Variants in ROBO2 observed in about 807,000 individuals in gnomAD.
The protein encoded by ROBO2 is roundabout guidance receptor 2.
ROBO2 carries 53 observed loss-of-function variants against 160.8 expected under a neutral mutation model. The observed-to-expected ratio is 0.33, with a 90% CI of 0.26 to 0.41. ROBO2 has a LOEUF of 0.41. Ranked by LOEUF, ROBO2 falls within the 10% of genes least tolerant of loss-of-function variation. ROBO2 has a pLI of 1.00. For synonymous variants in ROBO2, 664 were observed against 611.7 expected, an observed-to-expected ratio of 1.09 and a Z score of -1.26; for missense variants, 1,577 against 1,722.4, an observed-to-expected ratio of 0.92 and a Z score of 1.49.
intron 24 of ROBO2, among the ~76,000 whole-genome samples, chr3:77,640,202 C>T (rs1376720076): frequency 7.0e-6 from 1 of 143,164 alleles, no homozygotes; most frequent in Non-Finnish European, 1.5e-5. Flanking sequence ...AGATCCGCCT[C>T]CCGGGTTCAC....
intron 2 of ROBO2, among the ~76,000 whole-genome samples, chr3:76,163,285 T>C (rs2106935137): frequency 6.6e-6 from 1 of 151,972 alleles, no homozygotes; most frequent in South Asian, 2.1e-4. Context: ...TAACTACTTG[T>C]TCCAAAAGAT....
rs138733090 is a variant in ROBO2 at position 76,538,117 on chromosome 3, A to G, written c.110-559897A>G. Among the ~76,000 whole-genome samples the G allele has an allele frequency of 3.3e-3, 500 of 150,976 alleles. 1 individual carries two copies. Among genetic ancestry groups the G allele is most frequent in the African/African-American group, 0.012 (474 of 40,994 alleles). On this transcript the variant is annotated intron_variant, in intron 2 of 26. Transcript: ENST00000487694. ...ATGTGTGCAGGTCACAGGGGTTATA[A>G]TGGCTGAGCTTTGGCTCAGAGGCCT... is the stretch of plus-strand genomic sequence containing the variant.
intron 2 of ROBO2, among the ~76,000 whole-genome samples, chr3:76,395,817 A>G (rs1435152876): frequency 6.6e-6 from 1 of 152,026 alleles, no homozygotes; most frequent in African/African-American, 2.4e-5. Context: ...CTCTGAAATT[A>G]TGGCAATAAT....
At chr3:75,931,265 G>A (rs1947520462) in intron 1 of ROBO2, among the ~76,000 whole-genome samples, 1 of 152,196 alleles carries the variant, frequency 6.6e-6, no homozygotes, top group South Asian at 2.1e-4. Context: ...TGTATGAAAA[G>A]CTAACTCTTT....
intron 2 of ROBO2, among the ~76,000 whole-genome samples, chr3:77,181,564 G>A (rs1469836917): frequency 6.6e-6 from 1 of 151,994 alleles, no homozygotes; most frequent in Non-Finnish European, 1.5e-5. Context: ...CACACGCCTA[G>A]GATCCCTTAG....
At chr3:76,272,816 GT>G in intron 2 of ROBO2, among the ~76,000 whole-genome samples, 1 of 3,240 alleles carries the variant, frequency 3.1e-4, no homozygotes, top group Admixed American at 6.0e-3. Context: ...TATATAATAT[GT>G]ATTTATATAT....
At chr3:76,794,516 G>T (rs1038097916) in intron 2 of ROBO2, among the ~76,000 whole-genome samples, 1 of 151,994 alleles carries the variant, frequency 6.6e-6, no homozygotes, top group East Asian at 1.9e-4. Context: ...TTGGGATAAA[G>T]CTGTATGGGT....
intron 2 of ROBO2, among the ~76,000 whole-genome samples, chr3:76,883,695 C>T (rs891862092): frequency 3.3e-5 from 5 of 152,172 alleles, no homozygotes; most frequent in Admixed American, 6.5e-5. Context: ...GTCCAATACA[C>T]GATTGCCTAA....
intron 2 of ROBO2, among the ~76,000 whole-genome samples, chr3:76,080,570 C>G (rs1341608143): frequency 2.6e-5 from 4 of 152,266 alleles, no homozygotes; most frequent in Non-Finnish European, 2.9e-5. Flanking sequence ...CACTAAATTG[C>G]TCTGAGGAGT....
chr3:77,045,760 A>T (rs2064591333), intron 1 of ROBO2, among the ~76,000 whole-genome samples: 1 of 152,252 alleles, frequency 6.6e-6, no homozygotes, highest in Admixed American at 6.5e-5. Flanking sequence ...GAAACTATGT[A>T]GCTTGTTCCA....
At chr3:76,685,235 C>T (rs73120084) in intron 2 of ROBO2, among the ~76,000 whole-genome samples, 183 of 144,938 alleles carry the variant, frequency 1.3e-3, no homozygotes, top group Non-Finnish European at 2.2e-3. Context: ...TTAATGAGTA[C>T]CAAAAAGTAT....
intron 2 of ROBO2, among the ~76,000 whole-genome samples, chr3:77,417,075 C>T (rs1258065823): frequency 6.6e-6 from 1 of 152,030 alleles, no homozygotes; most frequent in African/African-American, 2.4e-5. Flanking sequence ...AACGTTGAAT[C>T]TATAATCAGA....
chr3:76,237,487 T>C (rs964928560), intron 2 of ROBO2, among the ~76,000 whole-genome samples: 4 of 152,150 alleles, frequency 2.6e-5, no homozygotes, highest in African/African-American at 9.7e-5. Flanking sequence ...CTCAGTAGAA[T>C]GTTTGCCATG....
At chr3:77,379,375 T>C (rs2073139014) in intron 2 of ROBO2, among the ~76,000 whole-genome samples, 1 of 152,192 alleles carries the variant, frequency 6.6e-6, no homozygotes, top group African/African-American at 2.4e-5. Context: ...ACATGCTATC[T>C]GACTCCTGGT....
chr3:76,569,501 G>A (rs2084827178), intron 2 of ROBO2, among the ~76,000 whole-genome samples: 1 of 151,890 alleles, frequency 6.6e-6, no homozygotes, highest in African/African-American at 2.4e-5. Context: ...GAGACTTTAG[G>A]ATTGTGAAAT....
chr3:77,274,151 C>G (rs1398305950), intron 2 of ROBO2, among the ~76,000 whole-genome samples: 3 of 152,066 alleles, frequency 2.0e-5, no homozygotes, highest in Non-Finnish European at 4.4e-5. Context: ...CAAAACTAAA[C>G]ACTTTTTTCC....
chr3:76,934,511 G>C (rs2077561140), intron 2 of ROBO2, among the ~76,000 whole-genome samples: 1 of 152,106 alleles, frequency 6.6e-6, no homozygotes, highest in African/African-American at 2.4e-5. Flanking sequence ...AGGAGAACGA[G>C]AGGGCCGGAT....
At chr3:76,211,044 T>C (rs2107319672) in intron 2 of ROBO2, among the ~76,000 whole-genome samples, 1 of 152,100 alleles carries the variant, frequency 6.6e-6, no homozygotes, top group Non-Finnish European at 1.5e-5. Flanking sequence ...AGAAAAAAAT[T>C]CATTTGTCAC....
chr3:76,653,664 T>C (rs2091355908), intron 2 of ROBO2, among the ~76,000 whole-genome samples: 1 of 152,122 alleles, frequency 6.6e-6, no homozygotes, highest in South Asian at 2.1e-4. Flanking sequence ...CACACAGATA[T>C]GCTAATAACT....
Sources: allele counts gnomAD v4.1 joint callset (sites outside exome capture counted in the v4.1 genomes callset), GRCh38; gene constraint gnomAD v4.1.1; transcripts MANE v1.5; gene names NCBI Gene and HGNC (gene_info 2026-07-23, HGNC 2026-07-21).